Variants in GNB5 observed in about 807,000 individuals in gnomAD.
The protein encoded by GNB5 is guanine nucleotide-binding protein subunit beta-5.
In GNB5, 37 loss-of-function variants were observed where a neutral mutation model predicts 55.3. The ratio of observed to expected loss-of-function variants is 0.67; its 90% confidence interval spans 0.51 to 0.88. The LOEUF (loss-of-function observed/expected upper bound fraction) is 0.88. Ranked by LOEUF, GNB5 falls within the 40% of genes least tolerant of loss-of-function variation. GNB5 has a pLI of 0.00. For missense variants in GNB5, 476 were observed against 515.3 expected (o/e 0.92, Z 0.74); for synonymous variants, 219 against 198.5 (o/e 1.10, Z -0.87).
intron 9 of GNB5, among the ~76,000 whole-genome samples, chr15:52,132,682 A>G (rs2033610212): frequency 7.0e-6 from 1 of 143,052 alleles, no homozygotes. Context: ...CATGTTGCCT[A>G]GCCTTGTCTC....
In GNB5 at chr15:52,124,523, A is replaced by C; in HGVS notation, c.1126T>G (p.Ser376Ala). Reference protein sequence around the residue: ...HENRVSTLRVSPDGTAFCSGS... With the variant: ...HENRVSTLRVAPDGTAFCSGS... ...GAGCAGAAAGCAGTCCCATCGGGGGAAACTCGTAGAGTGCTAACGCGGTTT... is the reference window on the plus strand; with the variant it reads ...GAGCAGAAAGCAGTCCCATCGGGGGCAACTCGTAGAGTGCTAACGCGGTTT... Residue 376 changes from serine (S) to alanine (A), a missense_variant, in exon 12 of 13, where the codon TCC becomes GCC. Transcript: ENST00000261837. The C allele has an allele frequency of 1.9e-6, 3 of 1,614,076 alleles. No homozygotes were observed. The highest frequency in any genetic ancestry group is 2.5e-6 in the Non-Finnish European group (3 of 1,179,872).
At position 52,149,809 on chromosome 15, in the gene GNB5, G is replaced by A. The variant is rs754532531; in HGVS notation, c.417+75C>T. ...TGGAGAGAAATCAGGACAGGGCCGG[G>A]CAGCTGGACCAGAGCACCTTTAAGT... On this transcript the variant is annotated intron_variant, in intron 5 of 12. Coordinates refer to ENST00000261837, the MANE Select transcript of GNB5 (RefSeq NM_016194.4). The A allele has an allele frequency of 1.2e-5, 13 of 1,073,262 alleles. No homozygotes were observed. Among genetic ancestry groups the A allele is most frequent in the Non-Finnish European group, 1.6e-5 (11 of 691,454 alleles). 66.5% of individuals were successfully genotyped at this position (1,073,262 alleles called of 1,614,324 possible). A position where few individuals can be genotyped will look rare whatever the true frequency, so the allele number is the denominator to read the frequency against.
intron 9 of GNB5, among the ~76,000 whole-genome samples, chr15:52,128,954 CTTTTTTT>C (rs536792407): frequency 7.9e-6 from 1 of 127,058 alleles, no homozygotes; most frequent in Non-Finnish European, 1.6e-5. Flanking sequence ...ATTGTTTCTC[CTTTTTTT>C]TTTTTTTTTT....
intron 6 of GNB5, among the ~76,000 whole-genome samples, chr15:52,142,113 T>G (rs2033870024): frequency 6.6e-6 from 1 of 152,214 alleles, no homozygotes; most frequent in Admixed American, 6.5e-5. Context: ...GGTGCTACTG[T>G]GTACTTCTTT....
At chr15:52,126,972 T>A (rs868442987) in intron 10 of GNB5, among the ~76,000 whole-genome samples, 2 of 152,066 alleles carry the variant, frequency 1.3e-5, no homozygotes, top group Admixed American at 6.6e-5. Context: ...AATTTTTGTA[T>A]TTTTAGTAGA....
In GNB5 at chr15:52,122,152, G is replaced by C. The variant is rs547275513; in HGVS notation, c.*605C>G. 1 of 152,268 alleles carries C rather than the reference G, an allele frequency of 6.6e-6. No homozygotes were observed. Among genetic ancestry groups the C allele is most frequent in the East Asian group, 1.9e-4 (1 of 5,186 alleles). The allele number at this position is 152,268 out of a possible 1,614,324, so 9.4% of individuals were successfully genotyped here. A position where few individuals can be genotyped will look rare whatever the true frequency, so the allele number is the denominator to read the frequency against. ...TAGGCATTTCTCTGCGTCATTTACAGCAGTTCACCATAGACAAAAATGTTG... is the reference window on the plus strand; with the variant it reads ...TAGGCATTTCTCTGCGTCATTTACACCAGTTCACCATAGACAAAAATGTTG... On this transcript the variant is annotated 3_prime_UTR_variant, in exon 13 of 13. Transcript: ENST00000261837.
At chr15:52,152,559 A>T (rs2141213548) in intron 4 of GNB5, among the ~76,000 whole-genome samples, 1 of 151,902 alleles carries the variant, frequency 6.6e-6, no homozygotes, top group East Asian at 1.9e-4. Flanking sequence ...TCCTGACCTC[A>T]GGTGATCCAT....
Position 52,154,077 on chromosome 15 carries a change from C to T in GNB5, c.239-1G>A. 6.2e-7 allele frequency: 1 copy of T among 1,613,580 alleles called. No individual in the cohort carries two copies. Among genetic ancestry groups the T allele is most frequent in the South Asian group, 1.1e-5 (1 of 90,962 alleles). Reference sequence around the variant, plus strand: ...TCCACCCGCTCCGCCACCTGGTGCACTGGAATGACAAGGCCATAGTCAGTC... The same window carrying T: ...TCCACCCGCTCCGCCACCTGGTGCATTGGAATGACAAGGCCATAGTCAGTC... On this transcript the variant is annotated splice_acceptor_variant, in intron 3 of 12. Coordinates refer to ENST00000261837, the MANE Select transcript of GNB5 (RefSeq NM_016194.4). LOFTEE classifies it high-confidence loss of function.
At chr15:52,125,754 T>C (rs1467996031) in intron 11 of GNB5, 194 bp downstream of exon 11, 2 of 552,952 alleles carry the variant, frequency 3.6e-6, no homozygotes, top group Non-Finnish European at 6.4e-6. Context: ...CCCCCTGGAG[T>C]GAAGTTGCCT....
chr15:52,179,985 G>C (rs2034739498), intron 2 of GNB5, 106 bp from the exon 3 acceptor site: 1 of 1,295,600 alleles, frequency 7.7e-7, no homozygotes, highest in Non-Finnish European at 9.8e-7. Flanking sequence ...CCGCCCCGCG[G>C]CCCCGCCCTC....
In GNB5 at chr15:52,141,232, C is replaced by CA. The variant is rs746514917; in HGVS notation, c.534dup (p.Asp179Ter). On this transcript the variant is annotated frameshift_variant, in exon 7 of 13. Transcript: ENST00000261837. LOFTEE classifies it high-confidence loss of function. The stretch of plus-strand genomic sequence containing the variant: ...TTGGCAGCCATGTTTTCATTTTTGT[C>CA]AAACGTCAAGGGGTACACAGAACAC... 96 of 1,613,772 alleles carry CA rather than the reference C, an allele frequency of 5.9e-5. No homozygotes were observed. Among genetic ancestry groups the CA allele is most frequent in the Non-Finnish European group, 8.0e-5 (94 of 1,179,836 alleles).
At chr15:52,178,460 ATAT>A (rs1394500493) in intron 3 of GNB5, among the ~76,000 whole-genome samples, 1 of 152,202 alleles carries the variant, frequency 6.6e-6, no homozygotes, top group Non-Finnish European at 1.5e-5. Flanking sequence ...TGTGGCAATC[ATAT>A]TATAATCATG....
intron 2 of GNB5, among the ~76,000 whole-genome samples, chr15:52,182,946 G>A (rs4776014): frequency 0.13 from 20,116 of 152,150 alleles, 1,687 homozygotes; most frequent in Admixed American, 0.25. Flanking sequence ...GAGGTCAGGA[G>A]TTCAAAACCA....
rs1225813232 is a variant in GNB5 at position 52,122,467 on chromosome 15, G to A, written c.*290C>T. The A allele has an allele frequency of 2.6e-6, 1 of 387,372 alleles. No individual in the cohort carries two copies. Among genetic ancestry groups the A allele is most frequent in the African/African-American group, 2.1e-5 (1 of 48,726 alleles). 24.0% of individuals were successfully genotyped at this position (387,372 alleles called of 1,614,324 possible). ...AATTCTACTGGTGACAGAATGAGTT[G>A]AGGCTACTATAATTTAGAATAACCT... On this transcript the variant is annotated 3_prime_UTR_variant, in exon 13 of 13. Coordinates refer to ENST00000261837, the MANE Select transcript of GNB5 (RefSeq NM_016194.4).
In GNB5 at chr15:52,115,107, C is replaced by T. The variant is rs2033124421; in HGVS notation, c.*7650G>A. 6.6e-6 allele frequency: 1 copy of T among 152,212 alleles called. No homozygotes were observed. The highest frequency in any genetic ancestry group is 2.1e-4 in the South Asian group (1 of 4,832). The allele number at this position is 152,212 out of a possible 1,614,324, so 9.4% of individuals were successfully genotyped here. A position where few individuals can be genotyped will look rare whatever the true frequency, so the allele number is the denominator to read the frequency against. On this transcript the variant is annotated 3_prime_UTR_variant, in exon 13 of 13. Coordinates refer to ENST00000261837, the MANE Select transcript of GNB5 (RefSeq NM_016194.4). ...AATCAGTGAGTTAAAAGCTTGGATA[C>T]ATGTTCATGTTTTATTTGCAAGACA... is the stretch of plus-strand genomic sequence containing the variant.
At position 52,125,887 on chromosome 15, in the gene GNB5, G is replaced by A. The variant is rs17650206; in HGVS notation, c.1009+61C>T. 9.8e-3 allele frequency: 7,076 copies of A among 724,316 alleles called. 120 individuals are homozygous for A. Among genetic ancestry groups the A allele is most frequent in the Admixed American group, 0.039 (1,853 of 47,500 alleles). 44.9% of individuals were successfully genotyped at this position (724,316 alleles called of 1,614,324 possible). On this transcript the variant is annotated intron_variant, in intron 11 of 12. Transcript: ENST00000261837. Reference sequence around the variant, plus strand: ...AAAAGGAACTGAGCGATGATGGAGCGCTAGTTTCATTCTGGTCCTGTCTTA... The same window carrying A: ...AAAAGGAACTGAGCGATGATGGAGCACTAGTTTCATTCTGGTCCTGTCTTA...
In GNB5 at chr15:52,115,797, C is replaced by G. The variant is rs1228751087; in HGVS notation, c.*6960G>C. The G allele has an allele frequency of 6.6e-6, 1 of 152,342 alleles. No individual in the cohort carries two copies. The highest frequency in any genetic ancestry group is 1.9e-4 in the East Asian group (1 of 5,190). 9.4% of individuals were successfully genotyped at this position (152,342 alleles called of 1,614,324 possible). A position where few individuals can be genotyped will look rare whatever the true frequency, so the allele number is the denominator to read the frequency against. On this transcript the variant is annotated 3_prime_UTR_variant, in exon 13 of 13. Transcript: ENST00000261837. Reference sequence around the variant, plus strand: ...ATTGTGCAATCACCACCATCTAATTCAGTTCCCCCCGGAGAAACTCAGTGC... The same window carrying G: ...ATTGTGCAATCACCACCATCTAATTGAGTTCCCCCCGGAGAAACTCAGTGC...
intron 5 of GNB5, among the ~76,000 whole-genome samples, chr15:52,148,481 T>C (rs766924403): frequency 5.3e-5 from 8 of 152,156 alleles, no homozygotes; most frequent in East Asian, 1.9e-4. Context: ...CTGTGTGCGG[T>C]TGCACATCTT....
chr15:52,122,804 G>C (rs1261272124), intron 12 of GNB5, 36 bp from the exon 13 acceptor site: 2 of 1,562,164 alleles, frequency 1.3e-6, no homozygotes, highest in Non-Finnish European at 8.8e-7. Context: ...TTAGACCTTT[G>C]TAGTTAACAA....
Sources: gnomAD v4.1 joint callset for allele counts (sites outside exome capture counted in the v4.1 genomes callset) on GRCh38, gnomAD v4.1.1 for gene constraint, MANE v1.5 for transcripts, NCBI Gene and HGNC (gene_info 2026-07-23, HGNC 2026-07-21) for gene names.